The following RBFOX3 variants were observed in gnomAD, a reference collection of about 807,000 sequenced individuals.
The protein encoded by RBFOX3 is RNA binding fox-1 homolog 3.
RBFOX3 carries 17 observed loss-of-function variants against 48.7 expected under a neutral mutation model. The observed-to-expected ratio is 0.35, with a 90% CI of 0.24 to 0.52. The LOEUF (loss-of-function observed/expected upper bound fraction) is 0.52. Among genes scored for constraint, RBFOX3 ranks in the 20% least tolerant of loss-of-function variants. The pLI, the probability that RBFOX3 is intolerant of heterozygous loss-of-function variation, is 0.94. For missense variants in RBFOX3, 382 were observed against 497.5 expected (o/e 0.77, Z 2.21); for synonymous variants, 212 against 209.5 (o/e 1.01, Z -0.10).
At chr17:79,522,360 C>T (rs1205617666) in intron 1 of RBFOX3, among the ~76,000 whole-genome samples, 1 of 152,150 alleles carries the variant, frequency 6.6e-6, no homozygotes, top group East Asian at 1.9e-4. Context: ...CAAAAACCAT[C>T]CTCAGGAGCT....
At position 79,443,284 on chromosome 17, in the gene RBFOX3, C is replaced by T. The variant is rs898821699; in HGVS notation, c.-175+39170G>A. 2.6e-5 allele frequency among the ~76,000 whole-genome samples: 4 copies of T among 152,364 alleles called. No homozygotes were observed. The highest frequency in any genetic ancestry group is 2.1e-4 in the South Asian group (1 of 4,828). On this transcript the variant is annotated intron_variant, in intron 2 of 14. Transcript: ENST00000693108. The surrounding 1 kb of genome is among the most constrained non-coding windows in gnomAD (Gnocchi z 4.4). The stretch of plus-strand genomic sequence containing the variant: ...GTCACCAGGCCTCTGCCACCGGCCT[C>T]GCCACGGGGGAGACCAGGCCAAGGC...
At position 79,403,782 on chromosome 17, in the gene RBFOX3, C is replaced by CTTT. The variant is rs781618072; in HGVS notation, c.-175+78669_-175+78671dup. On this transcript the variant is annotated intron_variant, in intron 2 of 14. Coordinates refer to ENST00000693108, the MANE Select transcript of RBFOX3 (RefSeq NM_001350451.2). ...GCACAAGCTCCCAGATGTTCTTTTT[C>CTTT]TTTTTTTTTTTTTTTTTTTGAGATG... Among the ~76,000 whole-genome samples the CTTT allele has an allele frequency of 3.2e-3, 399 of 124,332 alleles. 4 individuals carry two copies. The highest frequency in any genetic ancestry group is 4.7e-3 in the Middle Eastern group (1 of 214). 81.6% of individuals were successfully genotyped at this position (124,332 alleles called of 152,430 possible).
intron 2 of RBFOX3, among the ~76,000 whole-genome samples, chr17:79,388,663 T>C (rs980899661): frequency 1.3e-5 from 2 of 152,084 alleles, no homozygotes; most frequent in African/African-American, 4.8e-5. Context: ...AGCACTACCC[T>C]CTAGTGGCCA....
At chr17:79,170,782 T>C (rs1038277467) in intron 4 of RBFOX3, among the ~76,000 whole-genome samples, 4 of 152,216 alleles carry the variant, frequency 2.6e-5, no homozygotes, top group African/African-American at 4.8e-5. Context: ...AAAGACCTTC[T>C]GTGGCTCCCT....
At chr17:79,367,853 C>T (rs1025264310) in intron 2 of RBFOX3, among the ~76,000 whole-genome samples, 12 of 152,322 alleles carry the variant, frequency 7.9e-5, no homozygotes, top group African/African-American at 2.6e-4. Flanking sequence ...AAGGCAGACA[C>T]TGTGGACAAT....
intron 4 of RBFOX3, among the ~76,000 whole-genome samples, chr17:79,151,059 C>T (rs543529495): frequency 1.2e-4 from 19 of 152,342 alleles, no homozygotes; most frequent in African/African-American, 3.8e-4. Context: ...AGCACACACA[C>T]ATCCCTCCAC....
intron 4 of RBFOX3, among the ~76,000 whole-genome samples, chr17:79,120,787 T>A (rs936937257): frequency 6.6e-6 from 1 of 151,648 alleles, no homozygotes; most frequent in Non-Finnish European, 1.5e-5. Context: ...GACGGATGAG[T>A]TTAAAGACCA....
At chr17:79,404,185 G>A (rs1202862525) in intron 2 of RBFOX3, among the ~76,000 whole-genome samples, 1 of 152,224 alleles carries the variant, frequency 6.6e-6, no homozygotes, top group East Asian at 1.9e-4. Context: ...GGGGGAGCCT[G>A]AGGGGGAGAG....
At chr17:79,599,361 G>C (rs2093649103) in intron 1 of RBFOX3, 1 of 152,420 alleles carries the variant, frequency 6.6e-6, no homozygotes, top group Admixed American at 6.5e-5. Flanking sequence ...CCGCTGTCCT[G>C]GGGTCAGCCC....
intron 2 of RBFOX3, among the ~76,000 whole-genome samples, chr17:79,457,198 C>T (rs1198141192): frequency 3.3e-5 from 5 of 152,148 alleles, no homozygotes; most frequent in Non-Finnish European, 4.4e-5. Flanking sequence ...TGGAGTAGGG[C>T]CTTGTTAGAA....
intron 1 of RBFOX3, chr17:79,599,924 G>A (rs982448099): frequency 6.6e-6 from 1 of 152,164 alleles, no homozygotes; most frequent in Non-Finnish European, 1.5e-5. Context: ...TCTCCCACGC[G>A]GGATCATATC....
Position 79,204,905 on chromosome 17 carries a change from T to C in RBFOX3, c.-34+30861A>G, listed in dbSNP as rs1205816873. Among the ~76,000 whole-genome samples the C allele has an allele frequency of 1.3e-5, 2 of 152,146 alleles. No individual in the cohort carries two copies. Among genetic ancestry groups the C allele is most frequent in the Non-Finnish European group, 2.9e-5 (2 of 68,014 alleles). The stretch of plus-strand genomic sequence containing the variant: ...TTGAACTACAGAAGTCTGCAGCTAA[T>C]AAGCCATGGTGTTCCTGGGGATGAA... On this transcript the variant is annotated intron_variant, in intron 4 of 14. Transcript: ENST00000693108. This position sits in a 1 kb window ranked among gnomAD's most constrained non-coding sequence, Gnocchi z 4.5.
chr17:79,093,859 C>T (rs1046673690), intron 14 of RBFOX3, among the ~76,000 whole-genome samples: 12 of 152,176 alleles, frequency 7.9e-5, no homozygotes, highest in Middle Eastern at 3.4e-3. Context: ...CTCCCCGCCC[C>T]GCCCCTTCCA....
At chr17:79,271,494 T>C (rs997270901) in intron 3 of RBFOX3, among the ~76,000 whole-genome samples, 6 of 152,200 alleles carry the variant, frequency 3.9e-5, no homozygotes, top group Non-Finnish European at 8.8e-5. Context: ...AGCCGCTCTT[T>C]GCGCTGTCCT....
chr17:79,243,498 G>A lies in RBFOX3; in HGVS notation c.-73-7693C>T, dbSNP rs530026824. 1.3e-5 allele frequency among the ~76,000 whole-genome samples: 2 copies of A among 152,222 alleles called. No homozygotes were observed. The highest frequency in any genetic ancestry group is 4.2e-4 in the South Asian group (2 of 4,816). ...GTGCCTTTGCCCTGGGGTGTCATTTGGGACTGTGGAGTCGACCACAGTCAA... is the reference window on the plus strand; with the variant it reads ...GTGCCTTTGCCCTGGGGTGTCATTTAGGACTGTGGAGTCGACCACAGTCAA... On this transcript the variant is annotated intron_variant, in intron 3 of 14. Transcript: ENST00000693108. This position sits in a 1 kb window ranked among gnomAD's most constrained non-coding sequence, Gnocchi z 7.9.
At chr17:79,265,620 G>C (rs1013562666) in intron 3 of RBFOX3, among the ~76,000 whole-genome samples, 1 of 152,142 alleles carries the variant, frequency 6.6e-6, no homozygotes, top group Non-Finnish European at 1.5e-5. Flanking sequence ...TAATTTCCAG[G>C]GTCTCCCAGG....
At chr17:79,461,102 CCTAT>C (rs1555748518) in intron 2 of RBFOX3, among the ~76,000 whole-genome samples, 1 of 152,198 alleles carries the variant, frequency 6.6e-6, no homozygotes, top group African/African-American at 2.4e-5. Context: ...TAAACTGTAA[CCTAT>C]CTGTCTCCTC....
intron 1 of RBFOX3, among the ~76,000 whole-genome samples, chr17:79,506,719 G>T (rs1366774861): frequency 6.6e-6 from 1 of 152,218 alleles, no homozygotes; most frequent in African/African-American, 2.4e-5. Context: ...TGGGGCCAAG[G>T]TGGGCTCAGT....
intron 4 of RBFOX3, among the ~76,000 whole-genome samples, chr17:79,166,377 C>T (rs1038948795): frequency 6.6e-6 from 1 of 152,124 alleles, no homozygotes; most frequent in African/African-American, 2.4e-5. Context: ...CTCAGGCAGC[C>T]GAGACTGAGC....
Sources: allele counts gnomAD v4.1 joint callset (sites outside exome capture counted in the v4.1 genomes callset), GRCh38; gene constraint gnomAD v4.1.1; non-coding constraint Gnocchi (gnomAD v3.1); transcripts MANE v1.5; gene names NCBI Gene and HGNC (gene_info 2026-07-23, HGNC 2026-07-21).